The following TSPAN14 variants were observed in gnomAD, a reference collection of about 807,000 sequenced individuals.
TSPAN14 encodes tetraspanin 14.
A neutral mutation model predicts 36.6 loss-of-function variants in TSPAN14; 16 were observed. That is an observed-to-expected ratio of 0.44 (90% confidence interval 0.30 to 0.66). The LOEUF is 0.66. TSPAN14 is among the 30% of genes least tolerant of loss of function. TSPAN14 has a pLI of 0.12. For synonymous variants in TSPAN14, 139 were observed against 143.8 expected (o/e 0.97, Z 0.24); for missense variants, 231 against 355.1 (o/e 0.65, Z 2.81).
At chr10:80,475,274 TAA>T (rs1184162737) in intron 1 of TSPAN14, among the ~76,000 whole-genome samples, 1 of 152,234 alleles carries the variant, frequency 6.6e-6, no homozygotes, top group Non-Finnish European at 1.5e-5. Context: ...TCTGTAAATC[TAA>T]AAGTTTTGGG....
chr10:80,521,951 C>CT (rs1841289121), exon 9 of TSPAN14: 1 of 149,572 alleles, frequency 6.7e-6, no homozygotes, highest in Admixed American at 6.7e-5. Context: ...TTCTCAAATG[C>CT]TTTTGGCGTC....
At chr10:80,516,306 G>T (rs746320441) in exon 8 of TSPAN14, 1 of 1,614,092 alleles carries the variant, frequency 6.2e-7, no homozygotes, top group Non-Finnish European at 8.5e-7. Flanking sequence ...CGTCTTCATC[G>T]CCATCTCGCT....
intron 1 of TSPAN14, chr10:80,463,021 G>A (rs1176731683): frequency 1.3e-5 from 2 of 152,328 alleles, no homozygotes; most frequent in Non-Finnish European, 2.9e-5. Context: ...GCAGCAGATG[G>A]TCTGGTTTCT....
At chr10:80,522,540 A>G (rs907133395) in exon 9 of TSPAN14, 8 of 152,254 alleles carry the variant, frequency 5.3e-5, no homozygotes, top group African/African-American at 1.7e-4. Flanking sequence ...CTACTACAAT[A>G]AATTATCACC....
intron 5 of TSPAN14, among the ~76,000 whole-genome samples, chr10:80,510,600 C>T (rs931212348): frequency 6.6e-5 from 10 of 152,194 alleles, no homozygotes; most frequent in East Asian, 1.9e-4. Flanking sequence ...TCTGGCCGGG[C>T]GCGGTGACTC....
intron 1 of TSPAN14, among the ~76,000 whole-genome samples, chr10:80,485,900 A>G (rs1390029262): frequency 6.6e-6 from 1 of 152,246 alleles, no homozygotes; most frequent in Admixed American, 6.5e-5. Context: ...GTTGTACAAA[A>G]ATGGCCAAAA....
intron 1 of TSPAN14, among the ~76,000 whole-genome samples, chr10:80,484,407 C>T (rs1336526347): frequency 6.6e-6 from 1 of 152,042 alleles, no homozygotes; most frequent in African/African-American, 2.4e-5. Context: ...TCATCACAGC[C>T]TGGACCTCCC....
Position 80,507,452 on chromosome 10 carries a change from G to A in TSPAN14, c.279+78G>A, listed in dbSNP as rs960895053. On this transcript the variant is annotated intron_variant, in intron 4 of 8. Coordinates refer to ENST00000429989, the Ensembl canonical transcript of TSPAN14. ...TGCTGGGCAGGATTATATGTTACCTGGTCAGAGCAGGTGGCAGCTCTTAGG... is the reference window on the plus strand; with the variant it reads ...TGCTGGGCAGGATTATATGTTACCTAGTCAGAGCAGGTGGCAGCTCTTAGG... The A allele has an allele frequency of 1.1e-5, 18 of 1,590,278 alleles. No individual in the cohort carries two copies. The African/African-American group carries it at 2.0e-4, about 18-fold the overall frequency.
exon 1 of TSPAN14, chr10:80,454,330 G>GGCCGA (rs1328721844): frequency 6.6e-6 from 1 of 151,884 alleles, no homozygotes; most frequent in African/African-American, 2.4e-5. Context: ...TAACTTCCTC[G>GGCCGA]GCCGAGCCGG....
intron 8 of TSPAN14, among the ~76,000 whole-genome samples, chr10:80,516,685 A>G (rs545815822): frequency 1.7e-4 from 26 of 152,260 alleles, no homozygotes; most frequent in African/African-American, 5.5e-4. Flanking sequence ...TGGGCCATCA[A>G]GTGCTGCAGA....
chr10:80,508,537 TCTGCC>T (rs1840436878), intron 4 of TSPAN14, among the ~76,000 whole-genome samples: 1 of 151,942 alleles, frequency 6.6e-6, no homozygotes. Flanking sequence ...AGGCTGGGAG[TCTGCC>T]CTGATGGGAT....
At chr10:80,511,459 C>T (rs1232853669) in intron 5 of TSPAN14, among the ~76,000 whole-genome samples, 2 of 152,094 alleles carry the variant, frequency 1.3e-5, no homozygotes, top group Admixed American at 6.5e-5. Context: ...CCGAGGGGGC[C>T]ACAAAGGAGA....
At chr10:80,494,433 G>C (rs1441098096) in intron 2 of TSPAN14, among the ~76,000 whole-genome samples, 1 of 152,234 alleles carries the variant, frequency 6.6e-6, no homozygotes, top group Non-Finnish European at 1.5e-5. Flanking sequence ...GGCCTCTCCT[G>C]TGCAAACCTG....
intron 2 of TSPAN14, among the ~76,000 whole-genome samples, chr10:80,491,673 A>C (rs1198964802): frequency 6.6e-6 from 1 of 152,226 alleles, no homozygotes; most frequent in Non-Finnish European, 1.5e-5. Context: ...AGTGGAGTGC[A>C]TGAATCCAGC....
chr10:80,483,785 C>T (rs1228478276), intron 1 of TSPAN14, among the ~76,000 whole-genome samples: 8 of 151,658 alleles, frequency 5.3e-5, no homozygotes. Flanking sequence ...TGTCGGTCGC[C>T]TGTAATCTCA....
intron 5 of TSPAN14, among the ~76,000 whole-genome samples, chr10:80,511,624 G>A (rs143075475): frequency 3.4e-4 from 52 of 151,600 alleles, no homozygotes; most frequent in Admixed American, 1.2e-3. Context: ...CATGTGGGTT[G>A]GACAGAGGAG....
chr10:80,456,572 A>G (rs912700100), intron 1 of TSPAN14, among the ~76,000 whole-genome samples: 5 of 152,222 alleles, frequency 3.3e-5, no homozygotes, highest in African/African-American at 1.2e-4. Context: ...GTGCTCAGGA[A>G]TTTGACCCAT....
At chr10:80,472,201 T>C (rs1045272976) in intron 1 of TSPAN14, among the ~76,000 whole-genome samples, 6 of 152,214 alleles carry the variant, frequency 3.9e-5, no homozygotes, top group African/African-American at 1.2e-4. Context: ...TGCTTTTTTT[T>C]TGTTCCTCCA....
chr10:80,502,019 T>G (rs1370437227), intron 2 of TSPAN14, among the ~76,000 whole-genome samples: 2 of 151,720 alleles, frequency 1.3e-5, no homozygotes, highest in Non-Finnish European at 2.9e-5. Flanking sequence ...GCGAAGAAAA[T>G]CAACAGAGGA....
Sources: gnomAD v4.1 joint callset for allele counts (sites outside exome capture counted in the v4.1 genomes callset) on GRCh38, gnomAD v4.1.1 for gene constraint, MANE v1.5 for transcripts, NCBI Gene and HGNC (gene_info 2026-07-23, HGNC 2026-07-21) for gene names.